SUPT3H: variants seen among roughly 807,000 people sequenced by gnomAD.
The protein encoded by SUPT3H is SPT3 homolog, SAGA and STAGA complex component.
In SUPT3H, 44 loss-of-function variants were observed where a neutral mutation model predicts 44.3. The ratio of observed to expected loss-of-function variants is 0.99; its 90% CI spans 0.78 to 1.28. The LOEUF is 1.28. SUPT3H is among the 50% of genes most tolerant of loss of function. SUPT3H has a pLI of 0.00. For synonymous variants in SUPT3H, 124 were observed against 125.6 expected, an observed-to-expected ratio of 0.99 and a Z score of 0.09; for missense variants, 380 against 387.1, an observed-to-expected ratio of 0.98 and a Z score of 0.15.
At chr6:44,851,243 G>A (rs1162192209) in intron 10 of SUPT3H, among the ~76,000 whole-genome samples, 1 of 152,112 alleles carries the variant, frequency 6.6e-6, no homozygotes, top group Non-Finnish European at 1.5e-5. Flanking sequence ...AAATACAAGA[G>A]CAGAATAAAA....
rs573663505 is a variant in SUPT3H at position 44,891,457 on chromosome 6, A to G, written c.912+41196T>C. The stretch of plus-strand genomic sequence containing the variant: ...AATTCTGATACACATTACAATAAGT[A>G]TAAACCTTGAAAATATTATGAGTGA... On this transcript the variant is annotated intron_variant, in intron 10 of 10. Transcript: ENST00000371459. Among the ~76,000 whole-genome samples, 22 of 152,334 alleles carry G rather than the reference A, an allele frequency of 1.4e-4. No homozygotes were observed. In the South Asian group the frequency reaches 4.6e-3, roughly 32 times the overall value.
chr6:44,915,209 C>T (rs921721960), intron 10 of SUPT3H, among the ~76,000 whole-genome samples: 1 of 152,162 alleles, frequency 6.6e-6, no homozygotes, highest in Non-Finnish European at 1.5e-5. Flanking sequence ...GTTCATATAA[C>T]ATTACACATT....
intron 3 of SUPT3H, among the ~76,000 whole-genome samples, chr6:45,096,531 TAAGTG>T (rs1797804787): frequency 6.6e-6 from 1 of 152,120 alleles, no homozygotes; most frequent in Admixed American, 6.6e-5. Flanking sequence ...AGCACAGGCC[TAAGTG>T]AAGCACTGGA....
intron 2 of SUPT3H, among the ~76,000 whole-genome samples, chr6:45,279,516 A>T (rs989845599): frequency 7.2e-5 from 11 of 152,152 alleles, no homozygotes; most frequent in Admixed American, 7.2e-4. Flanking sequence ...CTGATTTTTT[A>T]AAAATGTGTA....
chr6:45,184,789 A>AC (rs1813892269), intron 2 of SUPT3H, among the ~76,000 whole-genome samples: 1 of 35,318 alleles, frequency 2.8e-5, no homozygotes, highest in Non-Finnish European at 5.8e-5. Flanking sequence ...AAAAAAAAAA[A>AC]AAAAAAAAAA....
intron 6 of SUPT3H, among the ~76,000 whole-genome samples, chr6:44,983,224 CAT>C (rs1243470249): frequency 1.3e-5 from 2 of 152,078 alleles, no homozygotes; most frequent in Non-Finnish European, 2.9e-5. Flanking sequence ...ACCATAGCCT[CAT>C]ACTTTTCCAC....
At chr6:44,894,967 G>A (rs1285009135) in intron 10 of SUPT3H, among the ~76,000 whole-genome samples, 1 of 151,824 alleles carries the variant, frequency 6.6e-6, no homozygotes. Flanking sequence ...AAACTTAAGA[G>A]TGCATGAAGA....
chr6:44,814,891 G>C (rs1374435458), intron 11 of SUPT3H, among the ~76,000 whole-genome samples: 1 of 152,086 alleles, frequency 6.6e-6, no homozygotes, highest in Non-Finnish European at 1.5e-5. Flanking sequence ...TGGCCAGGCT[G>C]GTTTCAAACT....
intron 2 of SUPT3H, among the ~76,000 whole-genome samples, chr6:45,175,012 TAAAAAA>T (rs57838175): frequency 8.0e-5 from 5 of 62,540 alleles, no homozygotes; most frequent in African/African-American, 1.3e-4. Context: ...CCCTCGTCAC[TAAAAAA>T]AAAAAAAAAA....
At chr6:45,296,933 GA>G (rs370015187) in intron 2 of SUPT3H, among the ~76,000 whole-genome samples, 134 of 55,254 alleles carry the variant, frequency 2.4e-3, no homozygotes, top group Admixed American at 3.6e-3. Context: ...TCTGTCTCAA[GA>G]AAAAAAAAAA....
At chr6:45,299,445 C>T (rs1312125526) in intron 2 of SUPT3H, among the ~76,000 whole-genome samples, 1 of 151,654 alleles carries the variant, frequency 6.6e-6, no homozygotes, top group Non-Finnish European at 1.5e-5. Flanking sequence ...GAAATCTTAA[C>T]TGAAGATTGA....
chr6:45,169,475 G>A (rs973940929), intron 2 of SUPT3H, among the ~76,000 whole-genome samples: 2 of 151,984 alleles, frequency 1.3e-5, no homozygotes, highest in Non-Finnish European at 2.9e-5. Flanking sequence ...TTCCAAATCA[G>A]AATTATTCAT....
intron 11 of SUPT3H, among the ~76,000 whole-genome samples, chr6:44,810,899 C>A (rs1462776174): frequency 7.3e-6 from 1 of 136,982 alleles, no homozygotes; most frequent in Non-Finnish European, 1.6e-5. Flanking sequence ...GAGCGAGAGA[C>A]TCCATCTCAA....
intron 2 of SUPT3H, among the ~76,000 whole-genome samples, chr6:45,146,576 G>C (rs932270264): frequency 3.3e-5 from 5 of 152,038 alleles, no homozygotes; most frequent in Admixed American, 3.3e-4. Context: ...ACAAACTATT[G>C]AAATAAAAAT....
intron 2 of SUPT3H, among the ~76,000 whole-genome samples, chr6:45,354,861 T>A (rs993500428): frequency 5.3e-5 from 8 of 152,172 alleles, no homozygotes; most frequent in Admixed American, 4.6e-4. Flanking sequence ...TGATATATAT[T>A]AAGTAAAAAC....
intron 2 of SUPT3H, among the ~76,000 whole-genome samples, chr6:45,129,268 A>C (rs1300735667): frequency 6.6e-6 from 1 of 152,224 alleles, no homozygotes; most frequent in Non-Finnish European, 1.5e-5. Flanking sequence ...GTGCTATGTA[A>C]AAGACAACTA....
intron 9 of SUPT3H, among the ~76,000 whole-genome samples, chr6:44,949,085 T>C (rs993606531): frequency 6.6e-6 from 1 of 152,208 alleles, no homozygotes; most frequent in Non-Finnish European, 1.5e-5. Flanking sequence ...GTTCATGTCC[T>C]TTGTAGAGAC....
chr6:45,019,338 G>C (rs542234173), intron 4 of SUPT3H, among the ~76,000 whole-genome samples: 146 of 151,812 alleles, frequency 9.6e-4, no homozygotes, highest in African/African-American at 3.2e-3. Flanking sequence ...TTTTTTGTGT[G>C]TCTATTTCCT....
chr6:45,032,822 A>C (rs1026092234), intron 3 of SUPT3H, among the ~76,000 whole-genome samples: 3 of 152,164 alleles, frequency 2.0e-5, no homozygotes, highest in African/African-American at 7.2e-5. Flanking sequence ...TCTTCTCTAC[A>C]AAGCTCTCTT....
Sources: gnomAD v4.1 joint callset for allele counts (sites outside exome capture counted in the v4.1 genomes callset) on GRCh38, gnomAD v4.1.1 for gene constraint, MANE v1.5 for transcripts, NCBI Gene and HGNC (gene_info 2026-07-23, HGNC 2026-07-21) for gene names.